Variants in FGF13 observed in about 807,000 individuals in gnomAD.
FGF13 encodes the protein fibroblast growth factor 13.
A neutral mutation model predicts 19.5 loss-of-function variants in FGF13; 2 were observed. The observed-to-expected ratio is 0.10, with a 90% CI of 0.04 to 0.32. The LOEUF is 0.32. Ranked by LOEUF, FGF13 falls within the 10% of genes least tolerant of loss-of-function variation. The probability of loss-of-function intolerance (pLI) is 1.00; values close to 1 mark genes in which losing one functional copy is unlikely to be tolerated. For synonymous variants in FGF13, 72 were observed against 76.9 expected (o/e 0.94, Z 0.33); for missense variants, 113 against 192.7 (o/e 0.59, Z 2.45).
chrX:138,959,185 T>C (rs1358882590), intron 1 of FGF13, among the ~76,000 whole-genome samples: 2 of 111,849 alleles, frequency 1.8e-5, no homozygotes, highest in African/African-American at 3.3e-5. Flanking sequence ...CTCTACACAC[T>C]GTTTTAAATG....
chrX:139,023,253 G>A (rs2092185058), intron 1 of FGF13, among the ~76,000 whole-genome samples: 1 of 110,722 alleles, frequency 9.0e-6, no homozygotes, highest in South Asian at 3.8e-4. Context: ...ATAACCAAAT[G>A]GGCATGGCTG....
chrX:138,755,019 G>A (rs1041715118), intron 3 of FGF13, among the ~76,000 whole-genome samples: 2 of 111,698 alleles, frequency 1.8e-5, no homozygotes, highest in Non-Finnish European at 3.8e-5. Context: ...ATAAATCTTA[G>A]CCAGGAGCAT....
chrX:138,738,061 T>C (rs1250985877), intron 1 of FGF13, among the ~76,000 whole-genome samples: 1 of 112,342 alleles, frequency 8.9e-6, no homozygotes. Flanking sequence ...ACAATGCTCA[T>C]GCAACATGAC....
chrX:138,692,230 A>G (rs1450430175), intron 3 of FGF13, among the ~76,000 whole-genome samples: 2 of 111,709 alleles, frequency 1.8e-5, no homozygotes, highest in Admixed American at 1.9e-4. Context: ...TAATTATTTC[A>G]ATAAATATGT....
At chrX:139,046,802 C>T (rs2092288951) in intron 1 of FGF13, among the ~76,000 whole-genome samples, 1 of 111,342 alleles carries the variant, frequency 9.0e-6, no homozygotes, top group South Asian at 3.8e-4. Context: ...ACCTGACTAG[C>T]GTGGCTCCTG....
At chrX:139,103,555 T>G (rs753222321) in intron 1 of FGF13, among the ~76,000 whole-genome samples, 41 of 112,044 alleles carry the variant, frequency 3.7e-4, no homozygotes, top group African/African-American at 1.3e-3. Context: ...AGTGGCATGA[T>G]AGCTGAAGGG....
chrX:139,098,023 T>C (rs906156931), intron 1 of FGF13, among the ~76,000 whole-genome samples: 1 of 111,846 alleles, frequency 8.9e-6, no homozygotes, highest in African/African-American at 3.3e-5. Context: ...TCATATGCAC[T>C]TTTTGAATGC....
At chrX:139,137,077 C>T (rs925534186) in intron 1 of FGF13, among the ~76,000 whole-genome samples, 5 of 111,925 alleles carry the variant, frequency 4.5e-5, no homozygotes, top group African/African-American at 1.6e-4. Flanking sequence ...TATGTTATCC[C>T]ATGACTTTTC....
intron 1 of FGF13, among the ~76,000 whole-genome samples, chrX:139,035,463 C>T (rs1166834682): frequency 9.0e-6 from 1 of 111,443 alleles, no homozygotes; most frequent in Non-Finnish European, 1.9e-5. Context: ...TTTTGTTATT[C>T]AGTGGGTCTG....
chrX:139,017,713 G>A (rs997252001), intron 1 of FGF13, among the ~76,000 whole-genome samples: 5 of 111,254 alleles, frequency 4.5e-5, no homozygotes, highest in Non-Finnish European at 9.4e-5. Flanking sequence ...TCTGCATGAA[G>A]TGATTTCACT....
At chrX:138,830,131 C>G (rs1461710420) in intron 3 of FGF13, among the ~76,000 whole-genome samples, 1 of 112,188 alleles carries the variant, frequency 8.9e-6, no homozygotes, top group Non-Finnish European at 1.9e-5. Context: ...ATAACAAATT[C>G]CTAAAACTGT....
intron 1 of FGF13, among the ~76,000 whole-genome samples, chrX:138,969,709 G>C (rs940302267): frequency 4.5e-5 from 5 of 111,388 alleles, no homozygotes; most frequent in Non-Finnish European, 7.5e-5. Context: ...AGAGAGTTGA[G>C]AGCTTGTCAT....
intron 1 of FGF13, among the ~76,000 whole-genome samples, chrX:139,104,544 G>A (rs1396041826): frequency 9.0e-6 from 1 of 111,589 alleles, no homozygotes; most frequent in Non-Finnish European, 1.9e-5. Context: ...TCCCAAAGCA[G>A]TCATAAACAG....
chrX:138,808,704 T>A (rs1241075032), intron 3 of FGF13, among the ~76,000 whole-genome samples: 2 of 110,582 alleles, frequency 1.8e-5, no homozygotes, highest in Non-Finnish European at 3.8e-5. Context: ...CTAGCAAGAC[T>A]AATAAAGAAG....
chrX:138,803,129 G>A (rs2090842095), intron 3 of FGF13, among the ~76,000 whole-genome samples: 1 of 111,359 alleles, frequency 9.0e-6, no homozygotes, highest in African/African-American at 3.3e-5. Context: ...TTTGGTTCAG[G>A]CTCACCACCT....
At chrX:139,033,043 A>AAAACAAAAC (rs1569444612) in intron 1 of FGF13, among the ~76,000 whole-genome samples, 1 of 102,737 alleles carries the variant, frequency 9.7e-6, no homozygotes, top group African/African-American at 3.6e-5. Context: ...AAAAAAAAAA[A>AAAACAAAAC]AAAAAAAAAA....
rs180851898 is a variant in FGF13, at chrX:139,019,810, G to A, written c.-112-155160C>T. ...CAATGAACCAGTCTAGAAAAAAAAA[G>A]GGCTTAATAAACAGTAACTATAATG... On this transcript the variant is annotated intron_variant, in intron 1 of 2. Transcript: ENST00000421460. Among the ~76,000 whole-genome samples, 1,030 of 110,145 alleles carry A rather than the reference G, an allele frequency of 9.4e-3. 10 individuals carry two copies. Among genetic ancestry groups the A allele is most frequent in the African/African-American group, 0.031 (951 of 30,260 alleles).
rs1186741869 is a variant in FGF13 at position 138,679,233 on chromosome X, C to A, written c.402+23751G>T. Among the ~76,000 whole-genome samples the A allele has an allele frequency of 6.3e-5, 7 of 110,549 alleles. No homozygotes were observed. The East Asian group carries it at 2.0e-3, about 32-fold the overall frequency. ...TTGGGACTACAAGCACATGCCACCACACCCCGCTAATTTTTTTTTTCTTTT... is the reference window on the plus strand; with the variant it reads ...TTGGGACTACAAGCACATGCCACCAAACCCCGCTAATTTTTTTTTTCTTTT... On this transcript the variant is annotated intron_variant, in intron 3 of 4. Transcript: ENST00000315930.
chrX:139,079,746 A>C (rs1034439311), intron 1 of FGF13, among the ~76,000 whole-genome samples: 2 of 111,461 alleles, frequency 1.8e-5, no homozygotes, highest in African/African-American at 3.3e-5. Flanking sequence ...GGAGTGGTTA[A>C]GAGTGTGGAC....
Sources: gnomAD v4.1 joint callset for allele counts (sites outside exome capture counted in the v4.1 genomes callset) on GRCh38, gnomAD v4.1.1 for gene constraint, MANE v1.5 for transcripts, NCBI Gene and HGNC (gene_info 2026-07-23, HGNC 2026-07-21) for gene names.